The following CSMD3 variants were observed in gnomAD, a reference collection of about 807,000 sequenced individuals.
CSMD3 encodes the protein CUB and Sushi multiple domains 3.
A neutral mutation model predicts 435.2 loss-of-function variants in CSMD3; 177 were observed. The ratio of observed to expected loss-of-function variants is 0.41; its 90% CI spans 0.36 to 0.46. The LOEUF (loss-of-function observed/expected upper bound fraction) is 0.46. CSMD3 is among the 20% of genes least tolerant of loss of function. The pLI is 0.34. For synonymous variants in CSMD3, 1,656 were observed against 1,520.5 expected (o/e 1.09, Z -2.07); for missense variants, 4,265 against 4,504.6 (o/e 0.95, Z 1.52).
chr8:113,165,535 CAA>C (rs1199854907), intron 4 of CSMD3, among the ~76,000 whole-genome samples: 4 of 151,968 alleles, frequency 2.6e-5, no homozygotes, highest in Non-Finnish European at 5.9e-5. Flanking sequence ...TCAGTTGCCT[CAA>C]AAAGAGACTG....
At chr8:113,299,342 A>T (rs2093746219) in intron 2 of CSMD3, among the ~76,000 whole-genome samples, 1 of 152,160 alleles carries the variant, frequency 6.6e-6, no homozygotes, top group South Asian at 2.1e-4. Context: ...AAATATGTGT[A>T]GAATAGCTAT....
intron 41 of CSMD3, among the ~76,000 whole-genome samples, chr8:112,345,588 G>A (rs1825588398): frequency 1.3e-5 from 2 of 152,152 alleles, no homozygotes; most frequent in Admixed American, 6.5e-5. Flanking sequence ...AAGAGAGAAG[G>A]ATTAAGAAAA....
chr8:112,517,035 T>C lies in CSMD3; in HGVS notation c.4755A>G (p.Ile1585Met). The C allele has an allele frequency of 6.2e-7, 1 of 1,609,416 alleles. No homozygotes were observed. Among genetic ancestry groups the C allele is most frequent in the Non-Finnish European group, 8.5e-7 (1 of 1,176,200 alleles). The change falls in exon 28 of 71, where the codon ATA becomes ATG. Residue 1585 changes from isoleucine (I) to methionine (M), a missense_variant and splice_region_variant. Coordinates refer to ENST00000297405, the MANE Select transcript of CSMD3 (RefSeq NM_198123.2). ...YFWQPSPPVC[I>M]APCGGNLTGS... Reference sequence around the variant, plus strand: ...TTTTAATTGTTCTTTAATTCATACCTATACAGACTGGTGGGCTGGGCTGCC... The same window carrying C: ...TTTTAATTGTTCTTTAATTCATACCCATACAGACTGGTGGGCTGGGCTGCC...
intron 6 of CSMD3, among the ~76,000 whole-genome samples, chr8:113,014,286 A>G (rs1221513890): frequency 6.6e-6 from 1 of 152,126 alleles, no homozygotes; most frequent in Non-Finnish European, 1.5e-5. Flanking sequence ...ATTATTTGTT[A>G]TATAACAATT....
At chr8:112,372,805 T>G (rs1416664787) in intron 38 of CSMD3, among the ~76,000 whole-genome samples, 1 of 151,046 alleles carries the variant, frequency 6.6e-6, no homozygotes, top group South Asian at 2.1e-4. Context: ...GCCGAGATAG[T>G]GCCATTGCAC....
chr8:113,290,518 A>G (rs1373093852), intron 2 of CSMD3, among the ~76,000 whole-genome samples: 1 of 151,696 alleles, frequency 6.6e-6, no homozygotes, highest in African/African-American at 2.4e-5. Context: ...TAAAATTATC[A>G]CCACTGCCCT....
intron 30 of CSMD3, 151 bp downstream of exon 30, chr8:112,503,639 T>G: frequency 9.6e-6 from 5 of 518,754 alleles, no homozygotes; most frequent in Non-Finnish European, 1.7e-5. Context: ...AATTCTACAG[T>G]GAGAACGCTT....
intron 13 of CSMD3, among the ~76,000 whole-genome samples, chr8:112,779,689 C>A (rs546000885): frequency 6.6e-6 from 1 of 152,076 alleles, no homozygotes; most frequent in South Asian, 2.1e-4. Context: ...TAAATAAGTA[C>A]CTCTTTGCAT....
At chr8:112,712,632 G>A (rs976839283) in intron 13 of CSMD3, among the ~76,000 whole-genome samples, 8 of 152,056 alleles carry the variant, frequency 5.3e-5, no homozygotes, top group South Asian at 2.1e-4. Context: ...GGGTATATTC[G>A]GAATCTTAAG....
chr8:113,288,666 A>G (rs1204661094), intron 2 of CSMD3, among the ~76,000 whole-genome samples: 1 of 151,906 alleles, frequency 6.6e-6, no homozygotes, highest in East Asian at 1.9e-4. Context: ...CCCACCTTGT[A>G]TAAACTCCTG....
chr8:112,807,675 G>A (rs1041620073), intron 12 of CSMD3, among the ~76,000 whole-genome samples: 1 of 152,172 alleles, frequency 6.6e-6, no homozygotes, highest in African/African-American at 2.4e-5. Flanking sequence ...TGTCCTGTCA[G>A]ATCAGTAACC....
At chr8:112,302,424 ACT>A (rs1161187990) in intron 52 of CSMD3, among the ~76,000 whole-genome samples, 1 of 151,894 alleles carries the variant, frequency 6.6e-6, no homozygotes, top group Non-Finnish European at 1.5e-5. Flanking sequence ...TTTGTCAAGA[ACT>A]CTATCGTTTG....
chr8:113,377,045 G>T, intron 1 of CSMD3: 1 of 1,299,916 alleles, frequency 7.7e-7, no homozygotes, highest in Non-Finnish European at 9.9e-7. Context: ...GGGGCGGAGC[G>T]GAGCGGGGCG....
chr8:112,337,624 A>T lies in CSMD3; in HGVS notation c.6760T>A (p.Tyr2254Asn), dbSNP rs780251269. Residue 2254 changes from tyrosine to asparagine, a missense_variant, in exon 43 of 71, where the codon TAC (tyrosine) becomes AAC (asparagine). By Grantham distance (143) the Tyr-to-Asn change is moderately radical (BLOSUM62 -2). This residue lies in a region of CSMD3 where 3,255 missense variants were observed against 3,380.2 expected (regional missense o/e 0.96). Coordinates refer to ENST00000297405, the MANE Select transcript of CSMD3 (RefSeq NM_198123.2). Reference protein sequence around the residue: ...QTISFECFPGYTLIGNSALTC... With the variant: ...QTISFECFPGNTLIGNSALTC... ...AGAGCTGAATTTCCAATTAATGTGT[A>T]TCCTGGGAAACATTCAAATGAAATG... The T allele has an allele frequency of 2.2e-5, 35 of 1,613,274 alleles. No homozygotes were observed. Among genetic ancestry groups the T allele is most frequent in the Non-Finnish European group, 2.8e-5 (33 of 1,179,204 alleles).
intron 1 of CSMD3, among the ~76,000 whole-genome samples, chr8:113,361,152 C>A (rs1413401865): frequency 6.6e-6 from 1 of 152,102 alleles, no homozygotes; most frequent in Non-Finnish European, 1.5e-5. Context: ...GCATTATGAT[C>A]ATGTTCTTTT....
chr8:112,503,110 C>T (rs959376410), intron 30 of CSMD3, among the ~76,000 whole-genome samples: 14 of 152,140 alleles, frequency 9.2e-5, no homozygotes, highest in African/African-American at 1.7e-4. Flanking sequence ...CTTAGAGACA[C>T]GGTCTTGCTC....
At chr8:112,322,134 T>G (rs991420534) in intron 45 of CSMD3, among the ~76,000 whole-genome samples, 4 of 152,082 alleles carry the variant, frequency 2.6e-5, no homozygotes, top group Non-Finnish European at 5.9e-5. Context: ...CATACCTGTA[T>G]TATTTTACTT....
chr8:113,375,611 T>C (rs2094377342), intron 1 of CSMD3, among the ~76,000 whole-genome samples: 1 of 151,836 alleles, frequency 6.6e-6, no homozygotes, highest in Non-Finnish European at 1.5e-5. Context: ...TATGGAACCC[T>C]CCTTAGGAAT....
intron 5 of CSMD3, among the ~76,000 whole-genome samples, chr8:113,056,791 G>T (rs528997161): frequency 9.9e-5 from 15 of 152,212 alleles, no homozygotes; most frequent in African/African-American, 3.6e-4. Flanking sequence ...CTACAAATTG[G>T]TCTTCAGCCA....
Sources: gnomAD v4.1 joint callset for allele counts (sites outside exome capture counted in the v4.1 genomes callset) on GRCh38, gnomAD v4.1.1 for gene constraint, gnomAD v4.1.1 regional missense constraint, MANE v1.5 for transcripts, NCBI Gene and HGNC (gene_info 2026-07-23, HGNC 2026-07-21) for gene names.